H1-10: variants seen among roughly 807,000 people sequenced by gnomAD.
H1-10 encodes H1.10 linker histone.
For missense variants in H1-10, 307 were observed against 297.9 expected (o/e 1.03, Z -0.22); for synonymous variants, 191 against 140.9 (o/e 1.36, Z -2.52).
At position 129,315,870 on chromosome 3, in the gene H1-10, C is replaced by T; in HGVS notation, c.33G>A (p.Val11=). 6.3e-7 allele frequency: 1 copy of T among 1,597,158 alleles called. No homozygotes were observed. ...TCTTGGCCATTCCCTCGGCGGTCGTCACTGGCAGGGCCTCCTCGAGCTCCA... is the reference window on the plus strand; with the variant it reads ...TCTTGGCCATTCCCTCGGCGGTCGTTACTGGCAGGGCCTCCTCGAGCTCCA... The part of the protein sequence containing the change: MSVELEEALP[V]TTAEGMAKKV... Residue 11 remains valine (V), a synonymous_variant, in exon 1 of 1, where the codon GTG becomes GTA. Transcript: ENST00000333762.
rs2071298908 is a variant in H1-10, at chr3:129,315,837, G to C, written c.66C>G (p.Thr22=). Reference sequence around the variant, plus strand: ...ACAACGCCGCCGAGCCGCCAGCCTTGGTCACCTTCTTGGCCATTCCCTCGG... The same window carrying C: ...ACAACGCCGCCGAGCCGCCAGCCTTCGTCACCTTCTTGGCCATTCCCTCGG... ...TTAEGMAKKV[T]KAGGSAALSP... is the part of the protein sequence containing the mutation. The change falls in exon 1 of 1, where the codon ACC becomes ACG. Residue 22 remains threonine, a synonymous_variant. Transcript: ENST00000333762. 1 of 1,603,204 alleles carries C rather than the reference G, an allele frequency of 6.2e-7. No homozygotes were observed. Among genetic ancestry groups the C allele is most frequent in the Non-Finnish European group, 8.5e-7 (1 of 1,175,478 alleles).
In H1-10 at chr3:129,315,249, C is replaced by G; in HGVS notation, c.*12G>C. The G allele has an allele frequency of 7.3e-7, 1 of 1,364,104 alleles. No homozygotes were observed. Among genetic ancestry groups the G allele is most frequent in the Non-Finnish European group, 9.4e-7 (1 of 1,060,802 alleles). 84.5% of individuals were successfully genotyped at this position (1,364,104 alleles called of 1,614,324 possible). On this transcript the variant is annotated 3_prime_UTR_variant, in exon 1 of 1. Coordinates refer to ENST00000333762, the MANE Select transcript of H1-10 (RefSeq NM_006026.4). ...AAAAGCCCACGCCGGCCGCTCTGAC[C>G]GGCCGACACGCTCACTTGCGGCCCT... is the stretch of plus-strand genomic sequence containing the variant.
Position 129,315,038 on chromosome 3 carries a change from T to G in H1-10, c.*223A>C, listed in dbSNP as rs1045801855. On this transcript the variant is annotated 3_prime_UTR_variant, in exon 1 of 1. Coordinates refer to ENST00000333762, the MANE Select transcript of H1-10 (RefSeq NM_006026.4). ...GGCCGTTGCCAAGGCCGAGAGCCAATAGAGGCGTCGCCGGGGCTGTTTCAA... is the reference window on the plus strand; with the variant it reads ...GGCCGTTGCCAAGGCCGAGAGCCAAGAGAGGCGTCGCCGGGGCTGTTTCAA... 2.7e-6 allele frequency: 1 copy of G among 366,020 alleles called. No homozygotes were observed. The highest frequency in any genetic ancestry group is 2.1e-5 in the African/African-American group (1 of 47,566). 22.7% of individuals were successfully genotyped at this position (366,020 alleles called of 1,614,324 possible).
In H1-10 at chr3:129,315,483, G is replaced by A. The variant is rs1282382613; in HGVS notation, c.420C>T (p.Thr140=). The A allele has an allele frequency of 2.7e-6, 4 of 1,503,016 alleles. No individual in the cohort carries two copies. The East Asian group carries it at 7.8e-5, about 29-fold the overall frequency. 93.1% of individuals were successfully genotyped at this position (1,503,016 alleles called of 1,614,324 possible). A position where few individuals can be genotyped will look rare whatever the true frequency, so the allele number is the denominator to read the frequency against. The part of the protein sequence containing the change: ...APAAATAPAP[T]AHKAKKAAPG... ...GGGCTGCCTTCTTCGCTTTGTGCGC[G>A]GTGGGGGCCGGGGCGGTGGCGGCCG... The change falls in exon 1 of 1, where the codon ACC becomes ACT. Residue 140 remains threonine, a synonymous_variant. Coordinates refer to ENST00000333762, the MANE Select transcript of H1-10 (RefSeq NM_006026.4).
In H1-10 at chr3:129,315,747, C is replaced by A; in HGVS notation, c.156G>T (p.Val52=). ...KNQPGKYSQL[V]VETIRRLGER... Reference sequence around the variant, plus strand: ...CGCCCAGCCTACGGATGGTCTCCACCACCAGCTGGCTGTACTTGCCCGGCT... The same window carrying A: ...CGCCCAGCCTACGGATGGTCTCCACAACCAGCTGGCTGTACTTGCCCGGCT... Residue 52 remains valine, a synonymous_variant, in exon 1 of 1, where the codon GTG becomes GTT. Coordinates refer to ENST00000333762, the MANE Select transcript of H1-10 (RefSeq NM_006026.4). The A allele has an allele frequency of 6.3e-7, 1 of 1,598,038 alleles. No homozygotes were observed.
Position 129,315,326 on chromosome 3 carries a change from C to G in H1-10, c.577G>C (p.Gly193Arg). The G allele has an allele frequency of 6.6e-7, 1 of 1,514,872 alleles. No homozygotes were observed. The highest frequency in any genetic ancestry group is 1.2e-5 in the South Asian group (1 of 80,614). 93.8% of individuals were successfully genotyped at this position (1,514,872 alleles called of 1,614,324 possible). Residue 193 changes from glycine to arginine, a missense_variant, in exon 1 of 1, where the codon GGG (glycine) becomes CGG (arginine). Coordinates refer to ENST00000333762, the MANE Select transcript of H1-10 (RefSeq NM_006026.4). ...GCCGCCTTCTTCACCTTCTTGCCCCCGGCGGCCGCCGTCTTCTTGGCCTTG... is the reference window on the plus strand; with the variant it reads ...GCCGCCTTCTTCACCTTCTTGCCCCGGGCGGCCGCCGTCTTCTTGGCCTTG... The part of the protein sequence containing the change: ...GGKAKKTAAA[G>R]GKKVKKAAKP...
Position 129,315,913 on chromosome 3 carries a change from G to A in H1-10, c.-11C>T. 6.4e-7 allele frequency: 1 copy of A among 1,567,820 alleles called. No individual in the cohort carries two copies. Among genetic ancestry groups the A allele is most frequent in the Non-Finnish European group, 8.7e-7 (1 of 1,154,366 alleles). On this transcript the variant is annotated 5_prime_UTR_variant, in exon 1 of 1. Coordinates refer to ENST00000333762, the MANE Select transcript of H1-10 (RefSeq NM_006026.4). The stretch of plus-strand genomic sequence containing the variant: ...GAGCTCCACGGACATGGTAGCAAGA[G>A]GATTGGTGGCGGGCGGCGCGCGGAA...
rs757673882 is a variant in H1-10 at position 129,315,752 on chromosome 3, G to A, written c.151C>T (p.Leu51=). The A allele has an allele frequency of 6.3e-7, 1 of 1,599,602 alleles. No individual in the cohort carries two copies. Among genetic ancestry groups the A allele is most frequent in the Non-Finnish European group, 8.5e-7 (1 of 1,173,884 alleles). ...AGCCTACGGATGGTCTCCACCACCA[G>A]CTGGCTGTACTTGCCCGGCTGGTTC... The part of the protein sequence containing the change: ...KKNQPGKYSQ[L]VVETIRRLGE... The change falls in exon 1 of 1, where the codon CTG becomes TTG. Residue 51 remains leucine, a synonymous_variant. Transcript: ENST00000333762.
rs974904196 is a variant in H1-10 at position 129,314,992 on chromosome 3, G to A, written c.*269C>T. 1.1e-5 allele frequency: 3 copies of A among 280,398 alleles called. No individual in the cohort carries two copies. Among genetic ancestry groups the A allele is most frequent in the Admixed American group, 1.1e-4 (2 of 18,840 alleles). The allele number at this position is 280,398 out of a possible 1,614,324, so 17.4% of individuals were successfully genotyped here. On this transcript the variant is annotated 3_prime_UTR_variant, in exon 1 of 1. Transcript: ENST00000333762. ...GCGCGGCCTCGGCCATCGGCGCCTA[G>A]GGGCCAGTAACCATGACGACGGCCG...
In H1-10 at chr3:129,315,038, T is replaced by C. The variant is rs1045801855; in HGVS notation, c.*223A>G. On this transcript the variant is annotated 3_prime_UTR_variant, in exon 1 of 1. Coordinates refer to ENST00000333762, the MANE Select transcript of H1-10 (RefSeq NM_006026.4). The stretch of plus-strand genomic sequence containing the variant: ...GGCCGTTGCCAAGGCCGAGAGCCAA[T>C]AGAGGCGTCGCCGGGGCTGTTTCAA... The C allele has an allele frequency of 2.7e-5, 10 of 366,018 alleles. No homozygotes were observed. Among genetic ancestry groups the C allele is most frequent in the African/African-American group, 1.1e-4 (5 of 47,564 alleles). 22.7% of individuals were successfully genotyped at this position (366,018 alleles called of 1,614,324 possible).
In H1-10 at chr3:129,315,944, G is replaced by C. The variant is rs755085596; in HGVS notation, c.-42C>G. On this transcript the variant is annotated 5_prime_UTR_variant, in exon 1 of 1. Transcript: ENST00000333762. ...GTGGCGGGCGGCGCGCGGAAGCCGG[G>C]GGGCCGCGCCGGGAAGAGGAAGGCG... 6.7e-7 allele frequency: 1 copy of C among 1,499,856 alleles called. No homozygotes were observed. The highest frequency in any genetic ancestry group is 8.9e-7 in the Non-Finnish European group (1 of 1,118,834). 92.9% of individuals were successfully genotyped at this position (1,499,856 alleles called of 1,614,324 possible).
Position 129,315,188 on chromosome 3 carries a change from AT to A in H1-10, c.*72del. ...CCCCGGCCGGCGTGAGCCGTACAAAATCTACGTCACTTGGGGTAGAAAAACA... is the reference window on the plus strand; with the variant it reads ...CCCCGGCCGGCGTGAGCCGTACAAAACTACGTCACTTGGGGTAGAAAAACA... On this transcript the variant is annotated 3_prime_UTR_variant, in exon 1 of 1. Coordinates refer to ENST00000333762, the MANE Select transcript of H1-10 (RefSeq NM_006026.4). 1 of 1,246,256 alleles carries A rather than the reference AT, an allele frequency of 8.0e-7. No individual in the cohort carries two copies. Among genetic ancestry groups the A allele is most frequent in the Non-Finnish European group, 1.0e-6 (1 of 988,836 alleles). The allele number at this position is 1,246,256 out of a possible 1,614,324, so 77.2% of individuals were successfully genotyped here. A position where few individuals can be genotyped will look rare whatever the true frequency, so the allele number is the denominator to read the frequency against.
In H1-10 at chr3:129,315,461, C is replaced by T. The variant is rs11537835; in HGVS notation, c.442G>A (p.Ala148Thr). ...APTAHKAKKAAPGAAGSRRAD... is the reference protein window; with the variant it reads ...APTAHKAKKATPGAAGSRRAD... ...CGCCGGGAGCCGGCCGCGCCCGGGGCTGCCTTCTTCGCTTTGTGCGCGGTG... is the reference window on the plus strand; with the variant it reads ...CGCCGGGAGCCGGCCGCGCCCGGGGTTGCCTTCTTCGCTTTGTGCGCGGTG... Residue 148 changes from alanine (A) to threonine (T), a missense_variant, in exon 1 of 1, where the codon GCC (alanine) becomes ACC (threonine). Transcript: ENST00000333762. The T allele has an allele frequency of 1.3e-6, 2 of 1,502,844 alleles. No homozygotes were observed. The highest frequency in any genetic ancestry group is 8.8e-7 in the Non-Finnish European group (1 of 1,134,508). The allele number at this position is 1,502,844 out of a possible 1,614,324, so 93.1% of individuals were successfully genotyped here.
chr3:129,315,344 T>C lies in H1-10; in HGVS notation c.559A>G (p.Lys187Glu), dbSNP rs1345327388. 1 of 1,531,124 alleles carries C rather than the reference T, an allele frequency of 6.5e-7. No individual in the cohort carries two copies. The highest frequency in any genetic ancestry group is 1.2e-5 in the South Asian group (1 of 82,798). 94.8% of individuals were successfully genotyped at this position (1,531,124 alleles called of 1,614,324 possible). A position where few individuals can be genotyped will look rare whatever the true frequency, so the allele number is the denominator to read the frequency against. ...GAKKDKGGKA[K>E]KTAAAGGKKV... ...TTGCCCCCGGCGGCCGCCGTCTTCT[T>C]GGCCTTGCCGCCTTTGTCCTTCTTG... Residue 187 changes from lysine (K) to glutamate (E), a missense_variant, in exon 1 of 1, where the codon AAG becomes GAG. Coordinates refer to ENST00000333762, the MANE Select transcript of H1-10 (RefSeq NM_006026.4).
At position 129,314,954 on chromosome 3, in the gene H1-10, G is replaced by A. The variant is rs142035122; in HGVS notation, c.*307C>T. ...CTGGGCCCGGCCAACCAGCGACCCCGCCCGGTGGGCAGGCGCGGCCTCGGC... is the reference window on the plus strand; with the variant it reads ...CTGGGCCCGGCCAACCAGCGACCCCACCCGGTGGGCAGGCGCGGCCTCGGC... On this transcript the variant is annotated 3_prime_UTR_variant, in exon 1 of 1. Coordinates refer to ENST00000333762, the MANE Select transcript of H1-10 (RefSeq NM_006026.4). 922 of 216,246 alleles carry A rather than the reference G, an allele frequency of 4.3e-3. 2 individuals are homozygous for A. The highest frequency in any genetic ancestry group is 0.014 in the African/African-American group (607 of 43,856). The allele number at this position is 216,246 out of a possible 1,614,324, so 13.4% of individuals were successfully genotyped here. A position where few individuals can be genotyped will look rare whatever the true frequency, so the allele number is the denominator to read the frequency against.
In H1-10 at chr3:129,315,811, G is replaced by A; in HGVS notation, c.92C>T (p.Ser31Phe). Residue 31 changes from serine to phenylalanine, a missense_variant, in exon 1 of 1, where the codon TCC (serine) becomes TTC (phenylalanine). Coordinates refer to ENST00000333762, the MANE Select transcript of H1-10 (RefSeq NM_006026.4). ...GCTATTCTTCCTCTTCTTAGATGGG[G>A]ACAACGCCGCCGAGCCGCCAGCCTT... is the stretch of plus-strand genomic sequence containing the variant. Reference protein sequence around the residue: ...VTKAGGSAALSPSKKRKNSKK... With the variant: ...VTKAGGSAALFPSKKRKNSKK... The A allele has an allele frequency of 6.2e-7, 1 of 1,604,126 alleles. No homozygotes were observed. The highest frequency in any genetic ancestry group is 2.2e-5 in the East Asian group (1 of 44,454).
rs1236354655 is a variant in H1-10, at chr3:129,315,994, C to G, written c.-92G>C. ...GAGGGGCCGAGGGGGTGCAGGGGGG[C>G]TGGGGGCGCGCGGCGGCTCCAGGCG... On this transcript the variant is annotated 5_prime_UTR_variant, in exon 1 of 1. Coordinates refer to ENST00000333762, the MANE Select transcript of H1-10 (RefSeq NM_006026.4). 5 of 85,282 alleles carry G rather than the reference C, an allele frequency of 5.9e-5. No homozygotes were observed. The highest frequency in any genetic ancestry group is 1.1e-4 in the Non-Finnish European group (5 of 45,296). 5.3% of individuals were successfully genotyped at this position (85,282 alleles called of 1,614,324 possible). A position where few individuals can be genotyped will look rare whatever the true frequency, so the allele number is the denominator to read the frequency against.
rs4853 is a variant in H1-10, at chr3:129,314,893, T to C, written c.*368A>G. 38,136 of 173,628 alleles carry C rather than the reference T, an allele frequency of 0.22. 6,725 individuals are homozygous for C. The highest frequency in any genetic ancestry group is 0.51 in the African/African-American group (21,635 of 42,374). The allele number at this position is 173,628 out of a possible 1,614,324, so 10.8% of individuals were successfully genotyped here. ...CCCAAAGGCAAGGAGGGTGGGGAGC[T>C]GGGAAAGGATGCGCGGCCTCCGCGT... On this transcript the variant is annotated 3_prime_UTR_variant, in exon 1 of 1. Coordinates refer to ENST00000333762, the MANE Select transcript of H1-10 (RefSeq NM_006026.4).
Position 129,315,964 on chromosome 3 carries a change from A to G in H1-10, c.-62T>C. The G allele has an allele frequency of 1.9e-6, 2 of 1,050,250 alleles. No homozygotes were observed. Among genetic ancestry groups the G allele is most frequent in the Non-Finnish European group, 2.6e-6 (2 of 763,428 alleles). The allele number at this position is 1,050,250 out of a possible 1,614,324, so 65.1% of individuals were successfully genotyped here. ...GCCGGGGGGCCGCGCCGGGAAGAGG[A>G]AGGCGAGGGGCCGAGGGGGTGCAGG... On this transcript the variant is annotated 5_prime_UTR_variant, in exon 1 of 1. Coordinates refer to ENST00000333762, the MANE Select transcript of H1-10 (RefSeq NM_006026.4).
Sources: allele counts gnomAD v4.1 joint callset, GRCh38; gene constraint gnomAD v4.1.1; transcripts MANE v1.5; gene names NCBI Gene and HGNC (gene_info 2026-07-23, HGNC 2026-07-21).